Variants in VAPA observed in about 807,000 individuals in gnomAD.
The protein encoded by VAPA is vesicle-associated membrane protein-associated protein A.
In VAPA, 6 loss-of-function variants were observed where a neutral mutation model predicts 25.6. The observed-to-expected ratio is 0.23, with a 90% CI of 0.13 to 0.46. The LOEUF (loss-of-function observed/expected upper bound fraction) is 0.46. VAPA is among the 20% of genes least tolerant of loss of function. The pLI, the probability that VAPA is intolerant of heterozygous loss-of-function variation, is 0.99. For synonymous variants in VAPA, 112 were observed against 106.2 expected, an observed-to-expected ratio of 1.05 and a Z score of -0.34; for missense variants, 244 against 302.1, an observed-to-expected ratio of 0.81 and a Z score of 1.43.
chr18:9,945,169 G>A, intron 4 of VAPA: 1 of 1,229,996 alleles, frequency 8.1e-7, no homozygotes, highest in African/African-American at 1.5e-5. Flanking sequence ...GAAGTAGATA[G>A]AATTGAACTA....
chr18:9,956,761 T>C lies in VAPA; in HGVS notation c.*2550T>C, dbSNP rs1164302212. On this transcript the variant is annotated 3_prime_UTR_variant, in exon 6 of 6. Transcript: ENST00000400000. The stretch of plus-strand genomic sequence containing the variant: ...TATGTTTAGAAGTTTTTGCTTTGTC[T>C]GCCTGCTTACTTGTATATGTAAGCA... 1 of 152,504 alleles carries C rather than the reference T, an allele frequency of 6.6e-6. No individual in the cohort carries two copies. The highest frequency in any genetic ancestry group is 1.9e-4 in the East Asian group (1 of 5,202). The allele number at this position is 152,504 out of a possible 1,614,324, so 9.4% of individuals were successfully genotyped here.
intron 2 of VAPA, among the ~76,000 whole-genome samples, chr18:9,933,262 C>T (rs2069275099): frequency 6.6e-6 from 1 of 152,036 alleles, no homozygotes; most frequent in Admixed American, 6.6e-5. Flanking sequence ...TGGAGCCTGA[C>T]TACAAAGGCC....
At chr18:9,917,808 G>T (rs374623602) in intron 1 of VAPA, among the ~76,000 whole-genome samples, 2 of 135,018 alleles carry the variant, frequency 1.5e-5, no homozygotes, top group African/African-American at 5.2e-5. Flanking sequence ...AGCACGGGGC[G>T]GGGGGGAAAT....
rs1202982387 is a variant in VAPA, at chr18:9,954,674, A to G, written c.*463A>G. 1 of 153,424 alleles carries G rather than the reference A, an allele frequency of 6.5e-6. No homozygotes were observed. The highest frequency in any genetic ancestry group is 1.5e-5 in the Non-Finnish European group (1 of 68,632). The allele number at this position is 153,424 out of a possible 1,614,324, so 9.5% of individuals were successfully genotyped here. The stretch of plus-strand genomic sequence containing the variant: ...GGGGAAATGGTGCCTCTTACAGTGT[A>G]AATTTTTCCTCCTTTACCTTTGCTA... On this transcript the variant is annotated 3_prime_UTR_variant, in exon 6 of 6. Coordinates refer to ENST00000400000, the MANE Select transcript of VAPA (RefSeq NM_194434.3).
At chr18:9,946,289 C>T (rs2069422637) in intron 4 of VAPA, among the ~76,000 whole-genome samples, 1 of 152,138 alleles carries the variant, frequency 6.6e-6, no homozygotes. Context: ...GCCTTTTGCT[C>T]CTAGGCTACA....
At chr18:9,952,943 G>A (rs1289743362) in intron 5 of VAPA, among the ~76,000 whole-genome samples, 4 of 152,188 alleles carry the variant, frequency 2.6e-5, no homozygotes, top group Non-Finnish European at 4.4e-5. Flanking sequence ...GCCATTAGGT[G>A]TACTCTTTTA....
At chr18:9,934,013 AC>A (rs753849546) in intron 2 of VAPA, among the ~76,000 whole-genome samples, 9 of 152,200 alleles carry the variant, frequency 5.9e-5, no homozygotes, top group Non-Finnish European at 1.0e-4. Flanking sequence ...ACTTTCTCCC[AC>A]AGAAACCTGA....
intron 1 of VAPA, chr18:9,915,699 C>G (rs149407386): frequency 4.8e-4 from 73 of 152,262 alleles, no homozygotes; most frequent in African/African-American, 1.7e-3. Flanking sequence ...GGAAAAACTT[C>G]AGGTTTAGGA....
chr18:9,938,252 C>A (rs1041236970), intron 4 of VAPA, among the ~76,000 whole-genome samples: 1 of 152,130 alleles, frequency 6.6e-6, no homozygotes, highest in African/African-American at 2.4e-5. Flanking sequence ...TACAGTAATT[C>A]GGTCAGCGTA....
chr18:9,915,256 CAG>C (rs2069102576), intron 1 of VAPA, among the ~76,000 whole-genome samples: 1 of 152,210 alleles, frequency 6.6e-6, no homozygotes, highest in African/African-American at 2.4e-5. Context: ...CGGTTTCCGA[CAG>C]ATCCTGAGAA....
At chr18:9,945,046 G>A in intron 4 of VAPA, 2 of 1,614,050 alleles carry the variant, frequency 1.2e-6, no homozygotes, top group Non-Finnish European at 1.7e-6. Flanking sequence ...TGTTGAAACA[G>A]GAGAAACAGA....
chr18:9,954,801 A>T lies in VAPA; in HGVS notation c.*590A>T, dbSNP rs1816539728. 6.6e-6 allele frequency: 1 copy of T among 152,636 alleles called. No individual in the cohort carries two copies. 9.5% of individuals were successfully genotyped at this position (152,636 alleles called of 1,614,324 possible). On this transcript the variant is annotated 3_prime_UTR_variant, in exon 6 of 6. Transcript: ENST00000400000. ...TGGTATTTAACATAAAAAAAAATAAAACTGTTAACAGATTCTTGCTCGATA... is the reference window on the plus strand; with the variant it reads ...TGGTATTTAACATAAAAAAAAATAATACTGTTAACAGATTCTTGCTCGATA...
intron 1 of VAPA, among the ~76,000 whole-genome samples, chr18:9,929,340 A>G (rs1177950973): frequency 6.6e-6 from 1 of 151,972 alleles, no homozygotes; most frequent in Non-Finnish European, 1.5e-5. Context: ...TTACCACCTA[A>G]AGGGTTATGT....
rs1015724129 is a variant in VAPA, at chr18:9,958,741, A to C, written c.*4530A>C. 4 of 152,190 alleles carry C rather than the reference A, an allele frequency of 2.6e-5. No individual in the cohort carries two copies. Among genetic ancestry groups the C allele is most frequent in the African/African-American group, 9.6e-5 (4 of 41,452 alleles). 9.4% of individuals were successfully genotyped at this position (152,190 alleles called of 1,614,324 possible). A position where few individuals can be genotyped will look rare whatever the true frequency, so the allele number is the denominator to read the frequency against. On this transcript the variant is annotated 3_prime_UTR_variant, in exon 6 of 6. Coordinates refer to ENST00000400000, the MANE Select transcript of VAPA (RefSeq NM_194434.3). ...TACTTATTTTTCTTTAAACTGCAGG[A>C]GTCACTGTTAGGTATTGCTTAAAAA...
At chr18:9,914,468 C>G (rs913024442) in intron 1 of VAPA, 133 bp downstream of exon 1, 1 of 717,516 alleles carries the variant, frequency 1.4e-6, no homozygotes, top group Non-Finnish European at 2.0e-6. Flanking sequence ...GGCGCCTTCC[C>G]TTTCCCGGCT....
At chr18:9,938,803 C>A (rs1432152983) in intron 4 of VAPA, among the ~76,000 whole-genome samples, 1 of 152,126 alleles carries the variant, frequency 6.6e-6, no homozygotes, top group Non-Finnish European at 1.5e-5. Flanking sequence ...AACTTAGAAG[C>A]ACCTAGAAGA....
chr18:9,959,950 G>A lies in VAPA; in HGVS notation c.*5739G>A, dbSNP rs959902255. The A allele has an allele frequency of 6.6e-6, 1 of 151,812 alleles. No individual in the cohort carries two copies. The highest frequency in any genetic ancestry group is 2.1e-4 in the South Asian group (1 of 4,804). The allele number at this position is 151,812 out of a possible 1,614,324, so 9.4% of individuals were successfully genotyped here. On this transcript the variant is annotated 3_prime_UTR_variant, in exon 6 of 6. Transcript: ENST00000400000. The stretch of plus-strand genomic sequence containing the variant: ...ATATATGAGGGTATTAAGCTACTTT[G>A]AATTAAATTTAAGGATATATTTCAC...
At chr18:9,939,576 A>G (rs888741228) in intron 4 of VAPA, among the ~76,000 whole-genome samples, 8 of 137,834 alleles carry the variant, frequency 5.8e-5, no homozygotes, top group South Asian at 4.5e-4. Flanking sequence ...AGGTTTGCCT[A>G]TAGACTTTCC....
At chr18:9,934,404 T>C (rs1175564727) in intron 2 of VAPA, among the ~76,000 whole-genome samples, 1 of 152,246 alleles carries the variant, frequency 6.6e-6, no homozygotes, top group Non-Finnish European at 1.5e-5. Flanking sequence ...GATTAGCTTA[T>C]AATCATTAAC....
Sources: gnomAD v4.1 joint callset for allele counts (sites outside exome capture counted in the v4.1 genomes callset) on GRCh38, gnomAD v4.1.1 for gene constraint, MANE v1.5 for transcripts, NCBI Gene and HGNC (gene_info 2026-07-23, HGNC 2026-07-21) for gene names.